DZIP1L: variants seen among roughly 807,000 people sequenced by gnomAD.
DZIP1L encodes DAZ interacting zinc finger protein 1 like, also known as cilium assembly protein DZIP1L.
A neutral mutation model predicts 88.7 loss-of-function variants in DZIP1L; 90 were observed. That is an observed-to-expected ratio of 1.02 (90% CI 0.86 to 1.21). DZIP1L has a LOEUF of 1.21. Ranked by LOEUF, DZIP1L falls within the 50% of genes most tolerant of loss-of-function variation. The pLI is 0.00. For missense variants in DZIP1L, 932 were observed against 955.8 expected, an observed-to-expected ratio of 0.98 and a Z score of 0.33; for synonymous variants, 363 against 372.1, an observed-to-expected ratio of 0.98 and a Z score of 0.28.
At chr3:138,106,963 C>T (rs1369531421) in intron 1 of DZIP1L, among the ~76,000 whole-genome samples, 1 of 152,136 alleles carries the variant, frequency 6.6e-6, no homozygotes, top group East Asian at 1.9e-4. Context: ...AAGGCAGTGA[C>T]AGGCCAGCCC....
chr3:138,103,692 T>C lies in DZIP1L; in HGVS notation c.280A>G (p.Ile94Val). ...LKVLRLAQLIIEYLLHCQDCL... is the reference protein window; with the variant it reads ...LKVLRLAQLIVEYLLHCQDCL... Reference sequence around the variant, plus strand: ...TCCTGGCAGTGCAGCAGGTACTCAATGATGAGCTGCGCCAGGCGCAGCACC... The same window carrying C: ...TCCTGGCAGTGCAGCAGGTACTCAACGATGAGCTGCGCCAGGCGCAGCACC... The change falls in exon 2 of 16, where the codon ATT becomes GTT. Residue 94 changes from isoleucine (I) to valine (V), a missense_variant. Physicochemically the swap from Ile to Val is conservative, Grantham distance 29. Coordinates refer to ENST00000327532, the MANE Select transcript of DZIP1L (RefSeq NM_173543.3). 1 of 1,612,126 alleles carries C rather than the reference T, an allele frequency of 6.2e-7. No homozygotes were observed. The highest frequency in any genetic ancestry group is 1.1e-5 in the South Asian group (1 of 91,074).
At chr3:138,066,640 C>T (rs759917300) in intron 14 of DZIP1L, among the ~76,000 whole-genome samples, 4 of 151,536 alleles carry the variant, frequency 2.6e-5, no homozygotes, top group Admixed American at 6.6e-5. Flanking sequence ...GAGACTTGTG[C>T]GAAGAGATCC....
rs764344589 is a variant in DZIP1L, at chr3:138,097,760, C to T, written c.586+3G>A. ...AGGGGCCCGGGCTGCTGTCTGGACTCACCACCTTCTGCCACGCCTGCATGC... is the reference window on the plus strand; with the variant it reads ...AGGGGCCCGGGCTGCTGTCTGGACTTACCACCTTCTGCCACGCCTGCATGC... On this transcript the variant is annotated splice_donor_region_variant and intron_variant, in intron 3 of 15. Coordinates refer to ENST00000327532, the MANE Select transcript of DZIP1L (RefSeq NM_173543.3). 49 of 1,609,078 alleles carry T rather than the reference C, an allele frequency of 3.0e-5. No individual in the cohort carries two copies. The highest frequency in any genetic ancestry group is 3.0e-4 in the Admixed American group (18 of 59,566).
chr3:138,114,026 C>G (rs1428101989), intron 1 of DZIP1L, among the ~76,000 whole-genome samples: 1 of 152,162 alleles, frequency 6.6e-6, no homozygotes. Flanking sequence ...GTAAAACAAA[C>G]AAACATAATT....
chr3:138,098,322 C>T (rs778991448), intron 2 of DZIP1L, among the ~76,000 whole-genome samples: 13 of 151,890 alleles, frequency 8.6e-5, no homozygotes, highest in Non-Finnish European at 1.8e-4. Context: ...ATATTATTCT[C>T]TCTACTATTG....
At chr3:138,098,438 C>T (rs1012134961) in intron 2 of DZIP1L, among the ~76,000 whole-genome samples, 2 of 152,208 alleles carry the variant, frequency 1.3e-5, no homozygotes, top group African/African-American at 4.8e-5. Flanking sequence ...AGCAAATAAA[C>T]AGCATCTGTA....
At chr3:138,068,495 C>G (rs16847804) in intron 12 of DZIP1L, 128 bp from the exon 13 acceptor site, 23,676 of 650,790 alleles carry the variant, frequency 0.036, 1,116 homozygotes, top group East Asian at 0.18. Flanking sequence ...GTAATAACCA[C>G]AGCAGATTTC....
intron 11 of DZIP1L, among the ~76,000 whole-genome samples, chr3:138,074,786 G>A (rs921694935): frequency 6.8e-6 from 1 of 148,078 alleles, no homozygotes; most frequent in African/African-American, 2.5e-5. Flanking sequence ...GAATAGAATA[G>A]TACCTCACCT....
At chr3:138,091,710 AAGAG>A (rs1459672226) in intron 5 of DZIP1L, among the ~76,000 whole-genome samples, 8 of 150,064 alleles carry the variant, frequency 5.3e-5, no homozygotes, top group East Asian at 2.0e-4. Context: ...GGGAGAGAGA[AAGAG>A]AGAGAGAAAG....
intron 1 of DZIP1L, among the ~76,000 whole-genome samples, chr3:138,105,577 G>A (rs1404810448): frequency 6.6e-6 from 1 of 151,966 alleles, no homozygotes; most frequent in East Asian, 1.9e-4. Flanking sequence ...TATAAAAATA[G>A]CTGTTATACT....
intron 2 of DZIP1L, chr3:138,101,778 G>A: frequency 9.0e-7 from 1 of 1,107,064 alleles, no homozygotes; most frequent in Non-Finnish European, 1.4e-6. Context: ...CGATCTTGAT[G>A]TCCAGGGCCA....
Position 138,089,592 on chromosome 3 carries a change from T to TGC in DZIP1L, c.871-1086_871-1085insGC, listed in dbSNP as rs1189396228. ...TTGGCCTTCCTAACATCAGGAAGAA[T>TGC]CATTTTTTGCATTTTGAAAATGGAC... On this transcript the variant is annotated intron_variant, in intron 5 of 15. Coordinates refer to ENST00000327532, the MANE Select transcript of DZIP1L (RefSeq NM_173543.3). 2.7e-3 allele frequency among the ~76,000 whole-genome samples: 417 copies of TGC among 152,346 alleles called. 1 individual carries two copies. Among genetic ancestry groups the TGC allele is most frequent in the African/African-American group, 9.7e-3 (402 of 41,580 alleles).
chr3:138,100,018 C>T (rs1165974552), intron 2 of DZIP1L, among the ~76,000 whole-genome samples: 1 of 152,026 alleles, frequency 6.6e-6, no homozygotes, highest in African/African-American at 2.4e-5. Context: ...TTTCTGGTGA[C>T]CAACCCCCAT....
rs1355105252 is a variant in DZIP1L at position 138,062,818 on chromosome 3, A to AC, written c.2301dup (p.Ter768ValfsTer7). On this transcript the variant is annotated frameshift_variant, in exon 16 of 16. Coordinates refer to ENST00000327532, the MANE Select transcript of DZIP1L (RefSeq NM_173543.3). LOFTEE classifies it high-confidence loss of function. ...AGCCAGCTAGCTTCTGGGGTGAATC[A>AC]CCAGGCAGGGACCCTGGGTTGGCCA... 1.2e-6 allele frequency: 2 copies of AC among 1,613,818 alleles called. No individual in the cohort carries two copies. Among genetic ancestry groups the AC allele is most frequent in the Non-Finnish European group, 1.7e-6 (2 of 1,180,016 alleles).
chr3:138,064,735 C>T lies in DZIP1L; in HGVS notation c.2035G>A (p.Glu679Lys). 6.2e-7 allele frequency: 1 copy of T among 1,601,998 alleles called. No homozygotes were observed. Among genetic ancestry groups the T allele is most frequent in the East Asian group, 2.2e-5 (1 of 44,798 alleles). Residue 679 changes from glutamate to lysine, a missense_variant, in exon 15 of 16, where the codon GAG becomes AAG. Glu to Lys is a moderately conservative substitution (Grantham distance 56, BLOSUM62 1). Coordinates refer to ENST00000327532, the MANE Select transcript of DZIP1L (RefSeq NM_173543.3). ...TTTGCTGGAGCTTCTAGCTGCTTCT[C>T]CAGGTTTTTGACCATCGACTGCACC... is the stretch of plus-strand genomic sequence containing the variant. ...TLVQSMVKNLEKQLEAPAKKP... is the reference protein window; with the variant it reads ...TLVQSMVKNLKKQLEAPAKKP...
intron 4 of DZIP1L, among the ~76,000 whole-genome samples, chr3:138,093,811 T>C (rs1944347366): frequency 6.6e-6 from 1 of 152,250 alleles, no homozygotes; most frequent in South Asian, 2.1e-4. Context: ...AGTTAGGTCC[T>C]TGCTTTGGAT....
intron 14 of DZIP1L, among the ~76,000 whole-genome samples, chr3:138,066,935 C>T (rs767430753): frequency 9.2e-5 from 14 of 152,160 alleles, no homozygotes; most frequent in Non-Finnish European, 1.8e-4. Context: ...GGACCCTCCC[C>T]GCCCCTGTGG....
chr3:138,082,899 C>T (rs573574785), intron 8 of DZIP1L, among the ~76,000 whole-genome samples: 1 of 152,152 alleles, frequency 6.6e-6, no homozygotes, highest in Non-Finnish European at 1.5e-5. Context: ...GTTGGGGCTA[C>T]AGTAGTCTGC....
At chr3:138,110,475 AAAAT>A (rs949522878) in intron 1 of DZIP1L, among the ~76,000 whole-genome samples, 2 of 152,252 alleles carry the variant, frequency 1.3e-5, no homozygotes, top group South Asian at 2.1e-4. Context: ...TTCCCACAAT[AAAAT>A]AAATAAATAA....
Sources: allele counts gnomAD v4.1 joint callset (sites outside exome capture counted in the v4.1 genomes callset), GRCh38; gene constraint gnomAD v4.1.1; transcripts MANE v1.5; gene names NCBI Gene and HGNC (gene_info 2026-07-23, HGNC 2026-07-21).